Variants in SAMD3 observed in about 807,000 individuals in gnomAD.
SAMD3 encodes the protein sterile alpha motif domain containing 3.
In SAMD3, 63 loss-of-function variants were observed where a neutral mutation model predicts 58.5. The ratio of observed to expected loss-of-function variants is 1.08; its 90% CI spans 0.88 to 1.33. SAMD3 has a LOEUF of 1.33. Ranked by LOEUF, SAMD3 falls within the 40% of genes most tolerant of loss-of-function variation. The pLI, the probability that SAMD3 is intolerant of heterozygous loss-of-function variation, is 0.00. For synonymous variants in SAMD3, 220 were observed against 210.3 expected (o/e 1.05, Z -0.40); for missense variants, 604 against 608.4 (o/e 0.99, Z 0.08).
At chr6:130,198,855 A>G (rs1028866086) in intron 5 of SAMD3, among the ~76,000 whole-genome samples, 11 of 152,172 alleles carry the variant, frequency 7.2e-5, no homozygotes, top group African/African-American at 2.7e-4. Flanking sequence ...GTTGCACCCC[A>G]TGTGGCTTTA....
chr6:130,315,530 A>ATG (rs1776333331), intron 1 of SAMD3, among the ~76,000 whole-genome samples: 1 of 152,178 alleles, frequency 6.6e-6, no homozygotes, highest in African/African-American at 2.4e-5. Context: ...TAATATATAT[A>ATG]AAAGCACTTT....
intron 2 of SAMD3, among the ~76,000 whole-genome samples, chr6:130,310,530 A>G (rs1390106765): frequency 6.6e-6 from 1 of 152,224 alleles, no homozygotes; most frequent in African/African-American, 2.4e-5. Context: ...AATTCCACAC[A>G]TTGTACGTAG....
intron 2 of SAMD3, among the ~76,000 whole-genome samples, chr6:130,262,437 C>T (rs1774174021): frequency 6.7e-6 from 1 of 150,228 alleles, no homozygotes; most frequent in South Asian, 2.1e-4. Context: ...TGGGGCTATT[C>T]TGTTAGAAAA....
At chr6:130,244,254 T>C (rs1375347937) in intron 2 of SAMD3, among the ~76,000 whole-genome samples, 1 of 152,222 alleles carries the variant, frequency 6.6e-6, no homozygotes. Context: ...CCTTAGGATG[T>C]GTCATAAAAG....
intron 2 of SAMD3, among the ~76,000 whole-genome samples, chr6:130,308,425 ATTCTATTCTATT>A (rs1562513259): frequency 9.9e-5 from 11 of 111,152 alleles, no homozygotes; most frequent in Non-Finnish European, 2.1e-4. Context: ...ATTCTATTCT[ATTCTATTCTATT>A]CTTTTGTGTG....
intron 1 of SAMD3, among the ~76,000 whole-genome samples, chr6:130,349,499 T>A (rs9492557): frequency 0.49 from 74,045 of 149,754 alleles, 22,132 homozygotes; most frequent in African/African-American, 0.85. Flanking sequence ...AAATTCCTCA[T>A]CCCTCCCAAG....
chr6:130,240,582 G>A (rs1773321432), intron 2 of SAMD3, among the ~76,000 whole-genome samples: 1 of 152,162 alleles, frequency 6.6e-6, no homozygotes, highest in Non-Finnish European at 1.5e-5. Flanking sequence ...CTCAAAAATC[G>A]TGTGTTGGAA....
intron 1 of SAMD3, among the ~76,000 whole-genome samples, chr6:130,353,844 T>C (rs1777749836): frequency 6.6e-6 from 1 of 152,120 alleles, no homozygotes; most frequent in Non-Finnish European, 1.5e-5. Flanking sequence ...AAAAGTATGG[T>C]ATTCCACAGC....
intron 2 of SAMD3, among the ~76,000 whole-genome samples, chr6:130,312,163 G>T (rs1231981377): frequency 6.6e-6 from 1 of 152,186 alleles, no homozygotes; most frequent in Non-Finnish European, 1.5e-5. Context: ...AATAAATATG[G>T]AAGTGTTGAT....
At chr6:130,297,147 T>A (rs1300470732) in intron 2 of SAMD3, among the ~76,000 whole-genome samples, 1 of 152,190 alleles carries the variant, frequency 6.6e-6, no homozygotes, top group Non-Finnish European at 1.5e-5. Flanking sequence ...GGGACAAGCT[T>A]TCTGAGATAT....
intron 1 of SAMD3, among the ~76,000 whole-genome samples, chr6:130,221,118 T>C (rs1429824450): frequency 6.6e-6 from 1 of 151,972 alleles, no homozygotes; most frequent in Non-Finnish European, 1.5e-5. Flanking sequence ...CCTCCCAAAG[T>C]GCTGGGATTA....
chr6:130,185,330 T>TTAG (rs980327812), intron 5 of SAMD3, among the ~76,000 whole-genome samples: 1 of 152,082 alleles, frequency 6.6e-6, no homozygotes, highest in African/African-American at 2.4e-5. Flanking sequence ...ATTTTTTATT[T>TTAG]TATTATTATT....
intron 1 of SAMD3, among the ~76,000 whole-genome samples, chr6:130,343,279 C>T (rs1395265589): frequency 6.6e-6 from 1 of 151,902 alleles, no homozygotes; most frequent in Non-Finnish European, 1.5e-5. Context: ...AGTGAGCTAC[C>T]TATATCAAAA....
At chr6:130,246,866 G>A (rs1482411219) in intron 2 of SAMD3, among the ~76,000 whole-genome samples, 3 of 152,004 alleles carry the variant, frequency 2.0e-5, no homozygotes, top group Non-Finnish European at 1.5e-5. Context: ...TCCAGCCTGG[G>A]TAACAGAACG....
chr6:130,346,447 C>G (rs192052839), intron 1 of SAMD3, among the ~76,000 whole-genome samples: 1 of 152,320 alleles, frequency 6.6e-6, no homozygotes, highest in East Asian at 1.9e-4. Context: ...CTTGGAGGGT[C>G]CTATGCCCAC....
At chr6:130,288,278 G>T (rs1309430791) in intron 2 of SAMD3, among the ~76,000 whole-genome samples, 1 of 152,192 alleles carries the variant, frequency 6.6e-6, no homozygotes, top group African/African-American at 2.4e-5. Context: ...ATGCCAGCAG[G>T]CTGGAAATTT....
At chr6:130,357,112 T>C (rs1293477970) in intron 1 of SAMD3, among the ~76,000 whole-genome samples, 1 of 149,406 alleles carries the variant, frequency 6.7e-6, no homozygotes, top group South Asian at 2.1e-4. Flanking sequence ...TTATCTGCCA[T>C]GGCATCTTTT....
chr6:130,204,604 G>A (rs68047089), intron 5 of SAMD3, among the ~76,000 whole-genome samples: 73,416 of 145,028 alleles, frequency 0.51, 19,745 homozygotes, highest in African/African-American at 0.67. Context: ...CTCAAAAAAA[G>A]AAAAAAAAAA....
chr6:130,184,853 TAATAA>T (rs1290678680), intron 5 of SAMD3, among the ~76,000 whole-genome samples: 1 of 152,208 alleles, frequency 6.6e-6, no homozygotes. Flanking sequence ...GAAAAAGTCA[TAATAA>T]TATAGACTTT....
Sources: gnomAD v4.1 joint callset for allele counts (sites outside exome capture counted in the v4.1 genomes callset) on GRCh38, gnomAD v4.1.1 for gene constraint, MANE v1.5 for transcripts, NCBI Gene and HGNC (gene_info 2026-07-23, HGNC 2026-07-21) for gene names.